NRCAM: variants seen among roughly 807,000 people sequenced by gnomAD.
The protein encoded by NRCAM is neuronal cell adhesion molecule, also known as NgCAM-related cell adhesion molecule.
Under a neutral mutation model 156.5 loss-of-function variants are expected in NRCAM, and 83 were observed. The ratio of observed to expected loss-of-function variants is 0.53; its 90% CI spans 0.44 to 0.64. The LOEUF is 0.64. NRCAM is among the 30% of genes least tolerant of loss of function. The probability of loss-of-function intolerance (pLI) is 0.00; values close to 1 mark genes in which losing one functional copy is unlikely to be tolerated. For synonymous variants in NRCAM, 538 were observed against 563.9 expected (o/e 0.95, Z 0.65); for missense variants, 1,417 against 1,597.3 (o/e 0.89, Z 1.92).
intron 20 of NRCAM, among the ~76,000 whole-genome samples, chr7:108,186,270 G>C (rs1210566966): frequency 6.6e-6 from 1 of 152,176 alleles, no homozygotes; most frequent in Non-Finnish European, 1.5e-5. Context: ...GTTTACATCT[G>C]TAGCCCAGAC....
In NRCAM at chr7:108,181,823, C is replaced by T. The variant is rs746161292; in HGVS notation, c.2645G>A (p.Arg882Gln). 1.1e-5 allele frequency: 17 copies of T among 1,611,964 alleles called. No individual in the cohort carries two copies. In the South Asian group the frequency reaches 1.1e-4, roughly 10 times the overall value. ...KSIRGHLQGY[R>Q]IYYWKTQSSS... ...CACAAAAGGTCCCCTTTCACTTGCC[C>T]GATAGCCTTGTAGGTGTCCTCGGAT... The change falls in exon 24 of 33, where the codon CGG (arginine) becomes CAG (glutamine). Residue 882 changes from arginine to glutamine, a missense_variant and splice_region_variant. Transcript: ENST00000379028.
At chr7:108,230,434 C>CTTATTTTA (rs2094170967) in intron 8 of NRCAM, among the ~76,000 whole-genome samples, 1 of 152,144 alleles carries the variant, frequency 6.6e-6, no homozygotes, top group Non-Finnish European at 1.5e-5. Flanking sequence ...ACTGTTACTA[C>CTTATTTTA]TTATTTTATT....
chr7:108,359,011 A>T (rs1050665819), intron 2 of NRCAM, among the ~76,000 whole-genome samples: 4 of 152,164 alleles, frequency 2.6e-5, no homozygotes, highest in Admixed American at 2.6e-4. Context: ...CCAGAGTTAT[A>T]CTCACCTCCT....
chr7:108,326,191 T>C (rs2099066718), intron 2 of NRCAM, among the ~76,000 whole-genome samples: 1 of 152,194 alleles, frequency 6.6e-6, no homozygotes, highest in Admixed American at 6.5e-5. Context: ...AAAGTTAATA[T>C]AAAAAGATAC....
chr7:108,157,231 G>A (rs1217873679), intron 32 of NRCAM, among the ~76,000 whole-genome samples: 1 of 152,082 alleles, frequency 6.6e-6, no homozygotes, highest in Non-Finnish European at 1.5e-5. Context: ...TGTCAATTGG[G>A]TTTGCACTCA....
intron 2 of NRCAM, among the ~76,000 whole-genome samples, chr7:108,368,756 A>G (rs28409960): frequency 6.6e-6 from 1 of 152,220 alleles, no homozygotes; most frequent in Non-Finnish European, 1.5e-5. Flanking sequence ...TAGAGCAAAT[A>G]GCATGAGAAA....
chr7:108,351,166 TTC>T (rs1323263240), intron 2 of NRCAM, among the ~76,000 whole-genome samples: 3 of 152,094 alleles, frequency 2.0e-5, no homozygotes, highest in African/African-American at 7.2e-5. Context: ...GGGAGTGGGA[TTC>T]TGATAAAGGG....
rs540992871 is a variant in NRCAM at position 108,441,571 on chromosome 7, T to C, written c.-332+14672A>G. On this transcript the variant is annotated intron_variant, in intron 1 of 32. Coordinates refer to ENST00000379028, the MANE Select transcript of NRCAM (RefSeq NM_001037132.4). Reference sequence around the variant, plus strand: ...AAGTCCATTTCCTTGTTATATATCATAGTAGGATGACACAGTAATGTGCAG... The same window carrying C: ...AAGTCCATTTCCTTGTTATATATCACAGTAGGATGACACAGTAATGTGCAG... 2.8e-4 allele frequency among the ~76,000 whole-genome samples: 43 copies of C among 152,372 alleles called. 1 individual carries two copies. The highest frequency in any genetic ancestry group is 1.0e-3 in the African/African-American group (42 of 41,598).
chr7:108,416,745 A>C (rs1802098928), intron 1 of NRCAM, among the ~76,000 whole-genome samples: 1 of 152,250 alleles, frequency 6.6e-6, no homozygotes, highest in African/African-American at 2.4e-5. Flanking sequence ...AAAGGAAAGG[A>C]AACTCAGATG....
intron 3 of NRCAM, among the ~76,000 whole-genome samples, chr7:108,248,526 G>A (rs1366528263): frequency 1.3e-5 from 2 of 152,086 alleles, no homozygotes; most frequent in Non-Finnish European, 2.9e-5. Context: ...CTACTCCAGT[G>A]AGAAATTAAC....
Position 108,186,242 on chromosome 7 carries a change from T to C in NRCAM, c.2036-1628A>G, listed in dbSNP as rs1283021571. ...CATCTTTGGATGATCTCCAGTCCTA[T>C]AAATGGATGACTTTCATGTTTACAT... On this transcript the variant is annotated intron_variant, in intron 20 of 32. Transcript: ENST00000379028. 3.3e-5 allele frequency among the ~76,000 whole-genome samples: 5 copies of C among 152,346 alleles called. No individual in the cohort carries two copies. The East Asian group carries it at 9.6e-4, about 29-fold the overall frequency.
chr7:108,422,503 A>C (rs925896379), intron 1 of NRCAM, among the ~76,000 whole-genome samples: 1 of 152,202 alleles, frequency 6.6e-6, no homozygotes, highest in East Asian at 1.9e-4. Context: ...TCTTTCAAAC[A>C]AACTGAGACG....
At chr7:108,299,794 G>A (rs1457247905) in intron 3 of NRCAM, among the ~76,000 whole-genome samples, 1 of 152,094 alleles carries the variant, frequency 6.6e-6, no homozygotes, top group Non-Finnish European at 1.5e-5. Flanking sequence ...CATTCTGGTG[G>A]GCACATTTTG....
Position 108,191,259 on chromosome 7 carries a change from A to G in NRCAM, c.1928T>C (p.Val643Ala). The change falls in exon 19 of 33, where the codon GTT becomes GCT. Residue 643 changes from valine (V) to alanine (A), a missense_variant. Val to Ala is a moderately conservative substitution (Grantham distance 64, BLOSUM62 0). Coordinates refer to ENST00000379028, the MANE Select transcript of NRCAM (RefSeq NM_001037132.4). ...GAAGACTCATATTAGTTTACCGTAA[A>G]CGGGAGCTGGAGTTGGAGTAGGAGC... ...VVAPTPTPAP[V>A]YDVPNPPFDL... 1 of 1,606,170 alleles carries G rather than the reference A, an allele frequency of 6.2e-7. No homozygotes were observed. The highest frequency in any genetic ancestry group is 8.5e-7 in the Non-Finnish European group (1 of 1,175,800).
In NRCAM at chr7:108,164,539, C is replaced by T. The variant is rs535518098; in HGVS notation, c.3466+2382G>A. ...ATGCCAAATATTGACATCCTTACACCGCGGAACCGAGAGGAGAGGAGAGGA... is the reference window on the plus strand; with the variant it reads ...ATGCCAAATATTGACATCCTTACACTGCGGAACCGAGAGGAGAGGAGAGGA... On this transcript the variant is annotated intron_variant, in intron 30 of 32. Transcript: ENST00000379028. 3.4e-3 allele frequency among the ~76,000 whole-genome samples: 90 copies of T among 26,138 alleles called. 1 individual carries two copies. The highest frequency in any genetic ancestry group is 5.4e-3 in the African/African-American group (22 of 4,050). The allele number at this position is 26,138 out of a possible 152,430, so 17.1% of individuals were successfully genotyped here. A position where few individuals can be genotyped will look rare whatever the true frequency, so the allele number is the denominator to read the frequency against.
At chr7:108,193,882 G>A (rs1040093201) in intron 17 of NRCAM, 142 bp downstream of exon 17, 3 of 759,894 alleles carry the variant, frequency 3.9e-6, no homozygotes. Context: ...ACAGTAGGGA[G>A]AAAATGCTTA....
At chr7:108,222,772 G>A (rs1253549224) in intron 11 of NRCAM, among the ~76,000 whole-genome samples, 2 of 152,162 alleles carry the variant, frequency 1.3e-5, no homozygotes, top group African/African-American at 4.8e-5. Flanking sequence ...GATCACATGT[G>A]AGGGCAGCAC....
intron 3 of NRCAM, among the ~76,000 whole-genome samples, chr7:108,277,141 G>A (rs1303764880): frequency 2.0e-5 from 3 of 152,160 alleles, no homozygotes; most frequent in African/African-American, 4.8e-5. Context: ...TGGGTAACCC[G>A]ACCTTTCTCT....
At chr7:108,455,889 C>G (rs1856756417) in intron 1 of NRCAM, among the ~76,000 whole-genome samples, 1 of 152,204 alleles carries the variant, frequency 6.6e-6, no homozygotes. Flanking sequence ...CGAGCAAGAG[C>G]TCTGGGCAGG....
Sources: gnomAD v4.1 joint callset for allele counts (sites outside exome capture counted in the v4.1 genomes callset) on GRCh38, gnomAD v4.1.1 for gene constraint, MANE v1.5 for transcripts, NCBI Gene and HGNC (gene_info 2026-07-23, HGNC 2026-07-21) for gene names.